Variants in ADAR observed in about 807,000 individuals in gnomAD.
ADAR encodes the protein adenosine deaminase RNA specific.
Under a neutral mutation model 113.2 loss-of-function variants are expected in ADAR, and 41 were observed. The observed-to-expected ratio is 0.36, with a 90% CI of 0.28 to 0.47. The LOEUF is 0.47. Among genes scored for constraint, ADAR ranks in the 20% least tolerant of loss-of-function variants. The probability of loss-of-function intolerance (pLI) is 1.00; values close to 1 mark genes in which losing one functional copy is unlikely to be tolerated. For synonymous variants in ADAR, 605 were observed against 572.6 expected, an observed-to-expected ratio of 1.06 and a Z score of -0.81; for missense variants, 1,242 against 1,540.9, an observed-to-expected ratio of 0.81 and a Z score of 3.25.
In ADAR at chr1:154,582,446, C is replaced by T. The variant is rs1696464502; in HGVS notation, c.*2360G>A. The T allele has an allele frequency of 7.0e-6, 1 of 142,404 alleles. No individual in the cohort carries two copies. Among genetic ancestry groups the T allele is most frequent in the South Asian group, 2.4e-4 (1 of 4,146 alleles). The allele number at this position is 142,404 out of a possible 1,614,324, so 8.8% of individuals were successfully genotyped here. ...AAGTGAAGATAACAGTGGGCAGAAGCTCTGCCTCCTCTGTCCTGTGTGACT... is the reference window on the plus strand; with the variant it reads ...AAGTGAAGATAACAGTGGGCAGAAGTTCTGCCTCCTCTGTCCTGTGTGACT... On this transcript the variant is annotated 3_prime_UTR_variant, in exon 15 of 15. Transcript: ENST00000368474.
intron 1 of ADAR, among the ~76,000 whole-genome samples, chr1:154,604,763 C>T (rs1045344088): frequency 2.6e-5 from 4 of 152,070 alleles, no homozygotes; most frequent in African/African-American, 9.7e-5. Context: ...GTTTTAAGGA[C>T]CTCTTCTTCC....
rs1157767782 is a variant in ADAR at position 154,621,819 on chromosome 1, G to C, written c.-871+6036C>G. On this transcript the variant is annotated intron_variant, in intron 1 of 14. Coordinates refer to the ADAR transcript ENST00000368471. ...CAAATCAGGACTAAGCACTACAACA[G>C]AGTACTGCAGCTAGGCTGAAACTGC... is the stretch of plus-strand genomic sequence containing the variant. Among the ~76,000 whole-genome samples the C allele has an allele frequency of 5.9e-5, 9 of 152,220 alleles. No homozygotes were observed. In the East Asian group the frequency reaches 1.7e-3, roughly 29 times the overall value.
At chr1:154,609,370 G>A (rs1362912345), upstream of ADAR, among the ~76,000 whole-genome samples, 1 of 152,208 alleles carries the variant, frequency 6.6e-6, no homozygotes, top group Non-Finnish European at 1.5e-5. Flanking sequence ...TTCTTTCCCT[G>A]TGTTTAATCT....
At chr1:154,613,686 C>T (rs974901936) in intron 1 of ADAR, among the ~76,000 whole-genome samples, 1 of 152,060 alleles carries the variant, frequency 6.6e-6, no homozygotes, top group Non-Finnish European at 1.5e-5. Context: ...GGGTGGATCA[C>T]CTGAGGTCGG....
rs1697888533 is a variant in ADAR at position 154,601,665 on chromosome 1, T to C, written c.977A>G (p.Lys326Arg). The C allele has an allele frequency of 1.2e-6, 2 of 1,614,160 alleles. No homozygotes were observed. Among genetic ancestry groups the C allele is most frequent in the South Asian group, 2.2e-5 (2 of 91,084 alleles). ...LNLAKNIGLT[K>R]ARDINAVLID... is the part of the protein sequence containing the mutation. Reference sequence around the variant, plus strand: ...TAGCACAGCATTTATATCTCGGGCCTTGGTAAGGCCAATATTTTTAGCCAA... The same window carrying C: ...TAGCACAGCATTTATATCTCGGGCCCTGGTAAGGCCAATATTTTTAGCCAA... The change falls in exon 2 of 15, where the codon AAG becomes AGG. Residue 326 changes from lysine to arginine, a missense_variant. Transcript: ENST00000368474. This position sits in a 1 kb window ranked among gnomAD's most constrained non-coding sequence, Gnocchi z 4.7.
At chr1:154,612,806 TTTTC>T (rs534681029), upstream of ADAR, among the ~76,000 whole-genome samples, 54 of 152,010 alleles carry the variant, frequency 3.6e-4, no homozygotes, top group African/African-American at 7.2e-4. Flanking sequence ...ACAACATTAA[TTTTC>T]TTTCTTTCTT....
intron 6 of ADAR, 56 bp from the exon 7 acceptor site, chr1:154,590,465 A>T: frequency 6.4e-7 from 1 of 1,554,166 alleles, no homozygotes; most frequent in Non-Finnish European, 8.9e-7. Context: ...CATTGTTCCA[A>T]GGAAGGGTTA....
chr1:154,607,322 T>A (rs1698257977), intron 1 of ADAR, among the ~76,000 whole-genome samples: 1 of 152,256 alleles, frequency 6.6e-6, no homozygotes, highest in Admixed American at 6.5e-5. Context: ...TATCCCATTA[T>A]GTGGATGTAT....
chr1:154,582,996 G>A lies in ADAR; in HGVS notation c.*1810C>T, dbSNP rs754997352. On this transcript the variant is annotated 3_prime_UTR_variant, in exon 15 of 15. Coordinates refer to ENST00000368474, the MANE Select transcript of ADAR (RefSeq NM_001111.5). The stretch of plus-strand genomic sequence containing the variant: ...CATTTTCTTACTTTGGTCAATTTTT[G>A]GTCAAAAGTACAGAGAGCATAGAAT... 2.0e-5 allele frequency: 3 copies of A among 152,164 alleles called. No homozygotes were observed. Among genetic ancestry groups the A allele is most frequent in the Non-Finnish European group, 2.9e-5 (2 of 68,020 alleles). The allele number at this position is 152,164 out of a possible 1,614,324, so 9.4% of individuals were successfully genotyped here. A position where few individuals can be genotyped will look rare whatever the true frequency, so the allele number is the denominator to read the frequency against.
chr1:154,605,851 G>C (rs1698158135), intron 1 of ADAR, among the ~76,000 whole-genome samples: 1 of 151,300 alleles, frequency 6.6e-6, no homozygotes, highest in South Asian at 2.1e-4. Context: ...AGTGACCTTG[G>C]GAAAAAAAAA....
chr1:154,588,021 G>A, intron 11 of ADAR, 104 bp downstream of exon 11: 1 of 1,546,660 alleles, frequency 6.5e-7, no homozygotes, highest in Non-Finnish European at 8.8e-7. Context: ...GCACCTCTGT[G>A]CCCAGTGACT....
At chr1:154,604,086 T>C (rs1053670382) in intron 1 of ADAR, among the ~76,000 whole-genome samples, 15 of 152,188 alleles carry the variant, frequency 9.9e-5, no homozygotes, top group African/African-American at 3.6e-4. Flanking sequence ...TCTTTTCCAG[T>C]GGCTGATAAA....
At position 154,586,225 on chromosome 1, in the gene ADAR, A is replaced by C; in HGVS notation, c.3158T>G (p.Leu1053Trp). 6.2e-7 allele frequency: 1 copy of C among 1,614,258 alleles called. No individual in the cohort carries two copies. The change falls in exon 12 of 15, where the codon TTG (leucine) becomes TGG (tryptophan). Residue 1053 changes from leucine to tryptophan, a missense_variant. Coordinates refer to ENST00000368474, the MANE Select transcript of ADAR (RefSeq NM_001111.5). ...ATAAATGGGCTGCAGGAAGTGGGTC[A>C]ACAGTGCCCCTTGCAGGCCCAGCAC... Reference protein sequence around the residue: ...WNVLGLQGALLTHFLQPIYLK... With the variant: ...WNVLGLQGALWTHFLQPIYLK...
chr1:154,625,096 G>A (rs1184285167), intron 1 of ADAR, among the ~76,000 whole-genome samples: 1 of 152,150 alleles, frequency 6.6e-6, no homozygotes, highest in East Asian at 1.9e-4. Context: ...GTGTACCCAT[G>A]AGCCTGTCCT....
At position 154,596,923 on chromosome 1, in the gene ADAR, C is replaced by T. The variant is rs1280463566; in HGVS notation, c.2152G>A (p.Glu718Lys). ...TTGGTGTTCAGGTATCTCACGAGCT[C>T]GCCAATCTTCCTGACCTTGTTGGGC... ...MMPNKVRKIG[E>K]LVRYLNTNPV... The change falls in exon 6 of 15, where the codon GAG becomes AAG. Residue 718 changes from glutamate to lysine, a missense_variant. By Grantham distance (56) the Glu-to-Lys change is moderately conservative. Transcript: ENST00000368474. 6 of 1,614,020 alleles carry T rather than the reference C, an allele frequency of 3.7e-6. No individual in the cohort carries two copies. Among genetic ancestry groups the T allele is most frequent in the Admixed American group, 3.3e-5 (2 of 59,990 alleles).
At chr1:154,621,144 A>G (rs906354019) in intron 1 of ADAR, among the ~76,000 whole-genome samples, 1 of 152,238 alleles carries the variant, frequency 6.6e-6, no homozygotes, top group Non-Finnish European at 1.5e-5. Context: ...GTACAGTAAT[A>G]TAAACATCCT....
chr1:154,586,047 C>T, intron 12 of ADAR, 134 bp downstream of exon 12: 1 of 1,288,498 alleles, frequency 7.8e-7, no homozygotes, highest in Non-Finnish European at 1.1e-6. Context: ...AGACTGGACA[C>T]TCAATCAATT....
intron 1 of ADAR, among the ~76,000 whole-genome samples, chr1:154,627,647 G>T (rs1428150973): frequency 6.6e-6 from 1 of 152,182 alleles, no homozygotes; most frequent in East Asian, 1.9e-4. Context: ...AAAGTACACC[G>T]GCCCGGGCGT....
At chr1:154,586,148 G>C (rs376027486) in intron 12 of ADAR, 33 bp downstream of exon 12, 12 of 1,612,576 alleles carry the variant, frequency 7.4e-6, no homozygotes, top group African/African-American at 4.0e-5. Context: ...AAGAAGGACA[G>C]ACCAGTTCCA....
Sources: allele counts gnomAD v4.1 joint callset (sites outside exome capture counted in the v4.1 genomes callset), GRCh38; gene constraint gnomAD v4.1.1; non-coding constraint Gnocchi (gnomAD v3.1); transcripts MANE v1.5; gene names NCBI Gene and HGNC (gene_info 2026-07-23, HGNC 2026-07-21).